ADORA2A: variants seen among roughly 807,000 people sequenced by gnomAD.
ADORA2A encodes the protein adenosine receptor A2a.
A neutral mutation model predicts 18.4 loss-of-function variants in ADORA2A; 11 were observed. That is an observed-to-expected ratio of 0.60 (90% CI 0.38 to 0.99). ADORA2A has a LOEUF of 0.99. Among genes scored for constraint, ADORA2A ranks in the 50% least tolerant of loss-of-function variants. ADORA2A has a pLI of 0.01. For synonymous variants in ADORA2A, 218 were observed against 237.3 expected (o/e 0.92, Z 0.75); for missense variants, 449 against 556.1 (o/e 0.81, Z 1.94).
chr22:24,424,594 C>G (rs959107049), upstream of ADORA2A: 1 of 152,210 alleles, frequency 6.6e-6, no homozygotes, highest in South Asian at 2.1e-4. This position sits in a 1 kb window ranked among gnomAD's most constrained non-coding sequence, Gnocchi z 4.9. Context: ...GCCCGGGACG[C>G]GCCGAGAAAG....
intron 2 of ADORA2A, 83 bp from the exon 3 acceptor site, chr22:24,440,500 C>T (rs767831123): frequency 1.8e-5 from 24 of 1,352,206 alleles, no homozygotes; most frequent in East Asian, 4.6e-5. Context: ...AATGTGGAAA[C>T]GGGTGCTGCT....
chr22:24,433,295 G>A lies in ADORA2A; in HGVS notation c.-110G>A. On this transcript the variant is annotated 5_prime_UTR_variant, in exon 2 of 3. Coordinates refer to ENST00000337539, the MANE Select transcript of ADORA2A (RefSeq NM_000675.6). ...GTGAGGAAGGGGCTCAGGGGTCTGG[G>A]CCCCTCCGCCTGGGCCGGGCTGGGA... 1 of 1,093,184 alleles carries A rather than the reference G, an allele frequency of 9.1e-7. No individual in the cohort carries two copies. Among genetic ancestry groups the A allele is most frequent in the Non-Finnish European group, 1.3e-6 (1 of 766,722 alleles). The allele number at this position is 1,093,184 out of a possible 1,614,324, so 67.7% of individuals were successfully genotyped here.
At position 24,441,352 on chromosome 22, in the gene ADORA2A, G is replaced by A; in HGVS notation, c.1102G>A (p.Gly368Arg). 4 of 1,591,444 alleles carry A rather than the reference G, an allele frequency of 2.5e-6. No homozygotes were observed. Among genetic ancestry groups the A allele is most frequent in the Non-Finnish European group, 3.4e-6 (4 of 1,168,100 alleles). The change falls in exon 3 of 3, where the codon GGA (glycine) becomes AGA (arginine). Residue 368 changes from glycine (G) to arginine (R), a missense_variant. Physicochemically the swap from Gly to Arg is moderately radical, Grantham distance 125. Coordinates refer to ENST00000337539, the MANE Select transcript of ADORA2A (RefSeq NM_000675.6). ...TGGCTATGCCCTGGGGCTGGTGAGTGGAGGGAGTGCCCAAGAGTCCCAGGG... is the reference window on the plus strand; with the variant it reads ...TGGCTATGCCCTGGGGCTGGTGAGTAGAGGGAGTGCCCAAGAGTCCCAGGG... Reference protein sequence around the residue: ...PNGYALGLVSGGSAQESQGNT... With the variant: ...PNGYALGLVSRGSAQESQGNT...
upstream of ADORA2A, among the ~76,000 whole-genome samples, chr22:24,424,734 C>G (rs771732848): frequency 1.2e-4 from 18 of 152,312 alleles, no homozygotes; most frequent in South Asian, 8.3e-4. The surrounding 1 kb of genome is among the most constrained non-coding windows in gnomAD (Gnocchi z 4.9). Context: ...CTGGCCCCGG[C>G]CGTCTGTCTG....
upstream of ADORA2A, among the ~76,000 whole-genome samples, chr22:24,425,808 C>G (rs2042913037): frequency 6.6e-6 from 1 of 152,250 alleles, no homozygotes; most frequent in South Asian, 2.1e-4. Context: ...CTTGCCTCCT[C>G]GACCCACTCG....
At chr22:24,434,752 C>A (rs1376121940) in intron 2 of ADORA2A, among the ~76,000 whole-genome samples, 1 of 152,188 alleles carries the variant, frequency 6.6e-6, no homozygotes, top group Non-Finnish European at 1.5e-5. Flanking sequence ...GGTGCCCCAG[C>A]AGGAAGGAGG....
intron 2 of ADORA2A, among the ~76,000 whole-genome samples, chr22:24,437,525 T>C (rs2043210155): frequency 1.3e-5 from 2 of 151,982 alleles, no homozygotes; most frequent in South Asian, 4.1e-4. Context: ...ATAAACTTAG[T>C]CTATTTGCAA....
At chr22:24,434,892 C>T (rs752166676) in intron 2 of ADORA2A, among the ~76,000 whole-genome samples, 44 of 152,294 alleles carry the variant, frequency 2.9e-4, no homozygotes, top group African/African-American at 5.3e-4. Flanking sequence ...GGCCACACAA[C>T]GAGTTGGTAG....
rs1297032208 is a variant in ADORA2A, at chr22:24,440,999, ACAT to A, written c.755_757del (p.Ile252del). ...TTTGCCCTCTGCTGGCTGCCCCTAC[ACAT>A]CATCAACTGCTTCACTTTCTTCTGC... On this transcript the variant is annotated inframe_deletion, in exon 3 of 3. Transcript: ENST00000337539. 3 of 1,613,994 alleles carry A rather than the reference ACAT, an allele frequency of 1.9e-6. No individual in the cohort carries two copies. The highest frequency in any genetic ancestry group is 2.5e-6 in the Non-Finnish European group (3 of 1,180,022).
chr22:24,440,564 G>A lies in ADORA2A; in HGVS notation c.333-19G>A. On this transcript the variant is annotated intron_variant, in intron 2 of 2. Coordinates refer to ENST00000337539, the MANE Select transcript of ADORA2A (RefSeq NM_000675.6). ...AACCCTGGCTTCTCAGATCTCTGAT[G>A]CTGGTCTCTTCTCCCCAGGTACAAT... 1 of 1,535,496 alleles carries A rather than the reference G, an allele frequency of 6.5e-7. No individual in the cohort carries two copies. Among genetic ancestry groups the A allele is most frequent in the Non-Finnish European group, 8.8e-7 (1 of 1,141,794 alleles).
Position 24,440,678 on chromosome 22 carries a change from G to A in ADORA2A, c.428G>A (p.Trp143Ter). 1 of 1,613,200 alleles carries A rather than the reference G, an allele frequency of 6.2e-7. No homozygotes were observed. Among genetic ancestry groups the A allele is most frequent in the African/African-American group, 1.3e-5 (1 of 75,036 alleles). ...ATCGGCCTGACTCCCATGCTAGGTT[G>A]GAACAACTGCGGTCAGCCAAAGGAG... is the stretch of plus-strand genomic sequence containing the variant. The part of the protein sequence containing the change: ...FAIGLTPMLG[W>*]NNCGQPKEGK... Residue 143 changes from tryptophan (W) to a stop codon, truncating the protein, a stop_gained, in exon 3 of 3, where the codon TGG (tryptophan) becomes TAG (stop). Transcript: ENST00000337539. LOFTEE classifies it high-confidence loss of function.
intron 2 of ADORA2A, among the ~76,000 whole-genome samples, chr22:24,436,846 G>A (rs542497809): frequency 6.6e-6 from 1 of 152,260 alleles, no homozygotes; most frequent in South Asian, 2.1e-4. Context: ...GTCAGGAGGG[G>A]GGCAAAGCCT....
In ADORA2A at chr22:24,442,119, G is replaced by A. The variant is rs2043356421; in HGVS notation, c.*630G>A. 6.5e-6 allele frequency: 1 copy of A among 152,898 alleles called. No individual in the cohort carries two copies. Among genetic ancestry groups the A allele is most frequent in the Non-Finnish European group, 1.5e-5 (1 of 68,190 alleles). The allele number at this position is 152,898 out of a possible 1,614,324, so 9.5% of individuals were successfully genotyped here. ...CTGCCATCCACTTCTCAGTCCCAGG[G>A]CCATCTCTTGGAGTGACAAAGCTGG... On this transcript the variant is annotated 3_prime_UTR_variant, in exon 3 of 3. Coordinates refer to ENST00000337539, the MANE Select transcript of ADORA2A (RefSeq NM_000675.6).
chr22:24,436,819 A>T (rs1366380467), intron 2 of ADORA2A, among the ~76,000 whole-genome samples: 1 of 151,656 alleles, frequency 6.6e-6, no homozygotes, highest in Non-Finnish European at 1.5e-5. Context: ...CACTGGCATG[A>T]GTGTGGGGGC....
chr22:24,431,814 C>T (rs996828038), intron 1 of ADORA2A, among the ~76,000 whole-genome samples: 1 of 152,110 alleles, frequency 6.6e-6, no homozygotes, highest in African/African-American at 2.4e-5. Flanking sequence ...GGGCTCAGGC[C>T]TGCTGGGGAA....
Position 24,427,674 on chromosome 22 carries a change from T to C in ADORA2A, c.-347T>C, listed in dbSNP as rs540352216. On this transcript the variant is annotated 5_prime_UTR_variant, in exon 1 of 3. Coordinates refer to ENST00000337539, the MANE Select transcript of ADORA2A (RefSeq NM_000675.6). ...CAGCCAAGCTGCTTTCAGCACAGCG[T>C]GGGCCCCCAGCACCTTGGTGCGGGG... is the stretch of plus-strand genomic sequence containing the variant. 6.6e-6 allele frequency: 1 copy of C among 152,344 alleles called. No individual in the cohort carries two copies. The highest frequency in any genetic ancestry group is 2.1e-4 in the South Asian group (1 of 4,838). 9.4% of individuals were successfully genotyped at this position (152,344 alleles called of 1,614,324 possible).
intron 1 of ADORA2A, chr22:24,432,885 C>T (rs71651683): frequency 0.033 from 5,284 of 159,674 alleles, 187 homozygotes; most frequent in African/African-American, 0.084. Flanking sequence ...CTCTGGGTGT[C>T]CTCCTCTAAA....
chr22:24,437,526 C>A (rs936212632), intron 2 of ADORA2A, among the ~76,000 whole-genome samples: 2 of 151,904 alleles, frequency 1.3e-5, no homozygotes, highest in African/African-American at 4.8e-5. Flanking sequence ...TAAACTTAGT[C>A]TATTTGCAAT....
intron 2 of ADORA2A, among the ~76,000 whole-genome samples, chr22:24,434,098 C>T (rs1195404276): frequency 6.6e-6 from 1 of 152,220 alleles, no homozygotes; most frequent in Non-Finnish European, 1.5e-5. Flanking sequence ...GCGGGTGTGT[C>T]TGGGCCATTC....
Sources: gnomAD v4.1 joint callset for allele counts (sites outside exome capture counted in the v4.1 genomes callset) on GRCh38, gnomAD v4.1.1 for gene constraint, Gnocchi (gnomAD v3.1) non-coding constraint, MANE v1.5 for transcripts, NCBI Gene and HGNC (gene_info 2026-07-23, HGNC 2026-07-21) for gene names.